ARB2A: variants seen among roughly 807,000 people sequenced by gnomAD.
The protein encoded by ARB2A is ARB2 cotranscriptional regulator A.
At chr5:93,717,067 T>C in the ARB2A span, among the ~76,000 whole-genome samples, 1 of 152,168 alleles carries the variant, frequency 6.6e-6, no homozygotes, top group Non-Finnish European at 1.5e-5. Context: ...TTGATATACA[T>C]ATTTAATTTA....
chr5:93,919,222 G>A, the ARB2A span, among the ~76,000 whole-genome samples: 1 of 151,938 alleles, frequency 6.6e-6, no homozygotes, highest in African/African-American at 2.4e-5. Context: ...CTTGAACTTA[G>A]GGTCTAATAT....
the ARB2A span, among the ~76,000 whole-genome samples, chr5:94,069,948 C>A: frequency 1.3e-5 from 2 of 151,974 alleles, no homozygotes; most frequent in African/African-American, 4.8e-5. Context: ...TATGTATTCA[C>A]AGAAAAGGAA....
chr5:93,839,747 G>C, the ARB2A span, among the ~76,000 whole-genome samples: 1 of 151,840 alleles, frequency 6.6e-6, no homozygotes, highest in Admixed American at 6.6e-5. Context: ...TCCTGGTTCA[G>C]TCTTGGGAGG....
chr5:94,036,646 G>T, the ARB2A span, among the ~76,000 whole-genome samples: 10 of 152,176 alleles, frequency 6.6e-5, no homozygotes, highest in African/African-American at 2.4e-4. Flanking sequence ...GCATTTGTAA[G>T]GGGGGTTTGG....
chr5:93,823,564 A>G, the ARB2A span, among the ~76,000 whole-genome samples: 1 of 152,224 alleles, frequency 6.6e-6, no homozygotes, highest in African/African-American at 2.4e-5. Context: ...ATAAGACTCA[A>G]TGGTGTATAC....
chr5:93,949,854 T>C, the ARB2A span, among the ~76,000 whole-genome samples: 92 of 152,242 alleles, frequency 6.0e-4, no homozygotes, highest in Admixed American at 3.1e-3. Context: ...TGAGTTAAAC[T>C]TTCAATTATT....
the ARB2A span, chr5:93,804,754 T>C: frequency 1.1e-5 from 4 of 363,572 alleles, no homozygotes; most frequent in Non-Finnish European, 1.5e-5. Flanking sequence ...TTTTAATATA[T>C]CTGTTTTATT....
the ARB2A span, among the ~76,000 whole-genome samples, chr5:93,899,581 TA>T: frequency 2.0e-5 from 3 of 152,120 alleles, no homozygotes; most frequent in Non-Finnish European, 4.4e-5. Context: ...GTGAAGGACA[TA>T]AGAGGGGAAC....
At chr5:93,815,343 T>G in the ARB2A span, among the ~76,000 whole-genome samples, 2 of 152,206 alleles carry the variant, frequency 1.3e-5, no homozygotes, top group Non-Finnish European at 2.9e-5. Flanking sequence ...TTTGTTACTC[T>G]GAGACCAAAG....
the ARB2A span, among the ~76,000 whole-genome samples, chr5:93,853,330 T>A: frequency 6.6e-6 from 1 of 152,234 alleles, no homozygotes; most frequent in African/African-American, 2.4e-5. Context: ...TTTGCTGAAG[T>A]TGCTTATCAG....
the ARB2A span, among the ~76,000 whole-genome samples, chr5:93,647,248 C>T: frequency 8.9e-4 from 136 of 152,194 alleles, no homozygotes; most frequent in African/African-American, 3.2e-3. Context: ...CCCCCCGAGA[C>T]GGAGTCTTAC....
At chr5:93,725,876 A>C in the ARB2A span, among the ~76,000 whole-genome samples, 1 of 152,220 alleles carries the variant, frequency 6.6e-6, no homozygotes. Context: ...CAATGCCAGT[A>C]AGCTATCTTA....
chr5:93,678,575 G>A, the ARB2A span, among the ~76,000 whole-genome samples: 1 of 152,124 alleles, frequency 6.6e-6, no homozygotes, highest in Non-Finnish European at 1.5e-5. Flanking sequence ...GGCCAACATG[G>A]TGAAACCCCG....
the ARB2A span, among the ~76,000 whole-genome samples, chr5:94,062,596 C>A: frequency 6.6e-6 from 1 of 152,074 alleles, no homozygotes; most frequent in Admixed American, 6.5e-5. Flanking sequence ...ACCCCATGGG[C>A]CCTGAGAATA....
the ARB2A span, among the ~76,000 whole-genome samples, chr5:94,011,723 T>C: frequency 6.6e-6 from 1 of 151,936 alleles, no homozygotes; most frequent in Non-Finnish European, 1.5e-5. Flanking sequence ...TTTGCACATG[T>C]AGAATGTGAG....
chr5:93,851,181 G>C, the ARB2A span, among the ~76,000 whole-genome samples: 1 of 152,126 alleles, frequency 6.6e-6, no homozygotes, highest in Non-Finnish European at 1.5e-5. Context: ...GAGTGAAAAT[G>C]CTTAGCAAAG....
chr5:93,942,559 G>A, the ARB2A span, among the ~76,000 whole-genome samples: 1 of 151,492 alleles, frequency 6.6e-6, no homozygotes, highest in Admixed American at 6.6e-5. Context: ...TCATTCAAAG[G>A]AGCTGCTTGC....
the ARB2A span, among the ~76,000 whole-genome samples, chr5:94,018,154 C>T: frequency 6.6e-6 from 1 of 152,080 alleles, no homozygotes; most frequent in East Asian, 1.9e-4. Flanking sequence ...AAAAATGAAC[C>T]AATATAGATG....
At chr5:94,085,578 C>A in the ARB2A span, among the ~76,000 whole-genome samples, 1 of 152,186 alleles carries the variant, frequency 6.6e-6, no homozygotes. Flanking sequence ...AAGCGGAAAG[C>A]TGAAGAAGTC....
Sources: allele counts gnomAD v4.1 joint callset (sites outside exome capture counted in the v4.1 genomes callset), GRCh38; gene constraint gnomAD v4.1.1; transcripts MANE v1.5; gene names NCBI Gene and HGNC (gene_info 2026-07-23, HGNC 2026-07-21).